Variants in NBL1 observed in about 807,000 individuals in gnomAD.
NBL1 encodes neuroblastoma suppressor of tumorigenicity 1.
In NBL1, 9 loss-of-function variants were observed where a neutral mutation model predicts 16.0. That is an observed-to-expected ratio of 0.56 (90% CI 0.34 to 0.98). NBL1 has a LOEUF of 0.98. NBL1 is among the 50% of genes least tolerant of loss of function. NBL1 has a pLI of 0.02. For synonymous variants in NBL1, 86 were observed against 100.7 expected, an observed-to-expected ratio of 0.85 and a Z score of 0.87; for missense variants, 196 against 243.1, an observed-to-expected ratio of 0.81 and a Z score of 1.29.
At chr1:19,645,156 T>G (rs1313205384) in intron 1 of NBL1, among the ~76,000 whole-genome samples, 3 of 152,082 alleles carry the variant, frequency 2.0e-5, no homozygotes, top group African/African-American at 7.2e-5. Context: ...CACGAATAGT[T>G]TCCTAGACCG....
chr1:19,653,666 C>T (rs2095039943), intron 1 of NBL1, among the ~76,000 whole-genome samples: 1 of 152,208 alleles, frequency 6.6e-6, no homozygotes, highest in South Asian at 2.1e-4. Flanking sequence ...CTGAGTGTCC[C>T]GGTCACCCAG....
chr1:19,650,287 T>C (rs2095015993), intron 1 of NBL1, among the ~76,000 whole-genome samples: 1 of 152,240 alleles, frequency 6.6e-6, no homozygotes, highest in Non-Finnish European at 1.5e-5. Context: ...CGCATGACTA[T>C]AGTTGCGCTC....
At chr1:19,656,757 A>G in intron 3 of NBL1, 109 bp from the exon 4 acceptor site, 5 of 1,443,108 alleles carry the variant, frequency 3.5e-6, no homozygotes, top group Non-Finnish European at 3.7e-6. Flanking sequence ...TGGGCATCAC[A>G]GGTGGGCTCT....
At chr1:19,648,230 G>A (rs916245036) in intron 1 of NBL1, among the ~76,000 whole-genome samples, 34 of 152,190 alleles carry the variant, frequency 2.2e-4, no homozygotes, top group Non-Finnish European at 3.7e-4. Flanking sequence ...GGCCACTCCT[G>A]TGTATTTAGG....
At chr1:19,656,506 G>A (rs1570571256) in intron 3 of NBL1, among the ~76,000 whole-genome samples, 1 of 151,926 alleles carries the variant, frequency 6.6e-6, no homozygotes, top group South Asian at 2.1e-4. Flanking sequence ...AGGGTCAGGG[G>A]TAGGGGGGCC....
At chr1:19,650,629 C>T (rs372758854) in intron 1 of NBL1, among the ~76,000 whole-genome samples, 1 of 152,054 alleles carries the variant, frequency 6.6e-6, no homozygotes, top group African/African-American at 2.4e-5. Context: ...TTCCCGCCCT[C>T]GCTTTTGGGG....
intron 1 of NBL1, chr1:19,645,318 G>T (rs571589047): frequency 2.0e-6 from 2 of 978,092 alleles, no homozygotes; most frequent in East Asian, 2.3e-4. Flanking sequence ...TGGACGACAG[G>T]CCCTGCTGCG....
intron 1 of NBL1, chr1:19,647,545 TGGGGGGAGAGGAAA>T: frequency 1.1e-6 from 1 of 929,238 alleles, no homozygotes; most frequent in Non-Finnish European, 1.3e-6. Context: ...TTAGTGAGTG[TGGGGGGAGAGGAAA>T]GGTGGGAGAG....
Position 19,644,537 on chromosome 1 carries a change from C to G in NBL1, c.-20+91C>G. ...CCGCGCCCCCAGCCCGGAGCTGCGT[C>G]CCCCGGCGCGTCCGGCGGCCGCGGG... On this transcript the variant is annotated intron_variant, in intron 1 of 3. Coordinates refer to ENST00000375136, the MANE Select transcript of NBL1 (RefSeq NM_005380.8). This position sits in a 1 kb window ranked among gnomAD's most constrained non-coding sequence, Gnocchi z 4.6. 2.6e-6 allele frequency: 2 copies of G among 765,308 alleles called. No homozygotes were observed. The highest frequency in any genetic ancestry group is 3.2e-6 in the Non-Finnish European group (2 of 630,504). 47.4% of individuals were successfully genotyped at this position (765,308 alleles called of 1,614,324 possible).
intron 1 of NBL1, among the ~76,000 whole-genome samples, chr1:19,648,292 G>A (rs1570550310): frequency 6.6e-6 from 1 of 152,258 alleles, no homozygotes; most frequent in South Asian, 2.1e-4. Context: ...TGGGCTGGGG[G>A]GCCTCAGTGG....
At chr1:19,646,813 G>A (rs776949341) in intron 1 of NBL1, among the ~76,000 whole-genome samples, 19 of 152,188 alleles carry the variant, frequency 1.2e-4, no homozygotes, top group Non-Finnish European at 2.6e-4. Flanking sequence ...ATCATGTTGG[G>A]TGGCCCTTGA....
chr1:19,655,074 T>A lies in NBL1; in HGVS notation c.44T>A (p.Leu15Gln). The A allele has an allele frequency of 1.2e-6, 2 of 1,613,006 alleles. No individual in the cohort carries two copies. The highest frequency in any genetic ancestry group is 1.3e-5 in the African/African-American group (1 of 75,042). The stretch of plus-strand genomic sequence containing the variant: ...GTGGGGGCTGTCCTCCCTGCCATGC[T>A]ACTGGCTGCCCCACCACCCATCAAC... The part of the protein sequence containing the change: ...VLVGAVLPAM[L>Q]LAAPPPINKL... The change falls in exon 2 of 4, where the codon CTA (leucine) becomes CAA (glutamine). Residue 15 changes from leucine to glutamine, a missense_variant. By Grantham distance (113) the Leu-to-Gln change is moderately radical. Transcript: ENST00000375136.
At chr1:19,647,725 A>G in intron 1 of NBL1, 2 of 952,424 alleles carry the variant, frequency 2.1e-6, no homozygotes, top group Non-Finnish European at 2.5e-6. Flanking sequence ...TTCCCCGAGG[A>G]GGTTCTGGAA....
Position 19,655,429 on chromosome 1 carries a change from G to A in NBL1, c.276G>A (p.Trp92Ter). The A allele has an allele frequency of 6.2e-7, 1 of 1,614,076 alleles. No homozygotes were observed. Among genetic ancestry groups the A allele is most frequent in the Non-Finnish European group, 8.5e-7 (1 of 1,180,000 alleles). Residue 92 changes from tryptophan to a stop codon, truncating the protein, a stop_gained, in exon 3 of 4, where the codon TGG (tryptophan) becomes TGA (stop). Coordinates refer to ENST00000375136, the MANE Select transcript of NBL1 (RefSeq NM_005380.8). LOFTEE classifies it high-confidence loss of function. ...CCTGCATGCCAGCCCAGTCCATGTG[G>A]GAGATTGTGAGTACTGCCTGCCTGC... is the stretch of plus-strand genomic sequence containing the variant. ...CDSCMPAQSM[W>*]EIVTLECPGH...
chr1:19,645,401 G>T (rs950845963), intron 1 of NBL1: 4 of 986,618 alleles, frequency 4.1e-6, no homozygotes, highest in Non-Finnish European at 4.8e-6. Context: ...GGGGGCAGCC[G>T]CCTGCCTTGG....
In NBL1 at chr1:19,656,952, C is replaced by CTT; in HGVS notation, c.369_370insTT (p.Gly124LeufsTer10). ...TCCTGCACTGTAGCTGCCAGGCCTGCGGCAAGGAGCCTAGTCACGAGGGGC... is the reference window on the plus strand; with the variant it reads ...TCCTGCACTGTAGCTGCCAGGCCTGCTTGGCAAGGAGCCTAGTCACGAGGGGC... On this transcript the variant is annotated frameshift_variant, in exon 4 of 4. Transcript: ENST00000375136. LOFTEE classifies it high-confidence loss of function. 1 of 1,612,462 alleles carries CTT rather than the reference C, an allele frequency of 6.2e-7. No homozygotes were observed. Among genetic ancestry groups the CTT allele is most frequent in the Non-Finnish European group, 8.5e-7 (1 of 1,179,444 alleles).
At chr1:19,644,239 C>G, upstream of NBL1, 1 of 978,322 alleles carries the variant, frequency 1.0e-6, no homozygotes, top group Non-Finnish European at 1.2e-6. This position sits in a 1 kb window ranked among gnomAD's most constrained non-coding sequence, Gnocchi z 4.6. Context: ...TGCCCCCGCC[C>G]TCGCGCCCTG....
Position 19,656,933 on chromosome 1 carries a change from A to C in NBL1, c.350A>C (p.His117Pro), listed in dbSNP as rs778522323. 2.5e-6 allele frequency: 4 copies of C among 1,613,066 alleles called. No individual in the cohort carries two copies. Among genetic ancestry groups the C allele is most frequent in the Non-Finnish European group, 8.5e-7 (1 of 1,179,750 alleles). ...RVDKLVEKIL[H>P]CSCQACGKEP... ...GACAAGCTGGTGGAGAAGATCCTGC[A>C]CTGTAGCTGCCAGGCCTGCGGCAAG... Residue 117 changes from histidine to proline, a missense_variant, in exon 4 of 4, where the codon CAC becomes CCC. By Grantham distance (77) the His-to-Pro change is moderately conservative. Coordinates refer to ENST00000375136, the MANE Select transcript of NBL1 (RefSeq NM_005380.8).
chr1:19,654,503 A>G (rs1010168542), intron 1 of NBL1, among the ~76,000 whole-genome samples: 9 of 152,216 alleles, frequency 5.9e-5, no homozygotes, highest in African/African-American at 2.2e-4. Context: ...TCAAGGAGAC[A>G]TGGTGTGTGG....
Sources: gnomAD v4.1 joint callset for allele counts (sites outside exome capture counted in the v4.1 genomes callset) on GRCh38, gnomAD v4.1.1 for gene constraint, Gnocchi (gnomAD v3.1) non-coding constraint, MANE v1.5 for transcripts, NCBI Gene and HGNC (gene_info 2026-07-23, HGNC 2026-07-21) for gene names.